AMZ2: variants seen among roughly 807,000 people sequenced by gnomAD.
AMZ2 encodes the protein archaemetzincin-2.
Under a neutral mutation model 36.7 loss-of-function variants are expected in AMZ2, and 26 were observed. The ratio of observed to expected loss-of-function variants is 0.71; its 90% CI spans 0.52 to 0.98. AMZ2 has a LOEUF of 0.98. AMZ2 is among the 50% of genes least tolerant of loss of function. The pLI is 0.00. For synonymous variants in AMZ2, 144 were observed against 149.1 expected (o/e 0.97, Z 0.25); for missense variants, 394 against 430.5 (o/e 0.92, Z 0.75).
chr17:68,236,101 A>G (rs2073780989), intron 1 of AMZ2, among the ~76,000 whole-genome samples: 1 of 152,106 alleles, frequency 6.6e-6, no homozygotes, highest in Non-Finnish European at 1.5e-5. Flanking sequence ...AAGTGCTGGG[A>G]TTACAGGAAT....
At chr17:68,254,924 C>T (rs1289550661) in intron 5 of AMZ2, among the ~76,000 whole-genome samples, 1 of 152,208 alleles carries the variant, frequency 6.6e-6, no homozygotes, top group Non-Finnish European at 1.5e-5. Flanking sequence ...CTGCTCTGGC[C>T]TCTCTGGGAG....
chr17:68,211,167 T>C (rs546011560), intron 1 of AMZ2, among the ~76,000 whole-genome samples: 1 of 151,956 alleles, frequency 6.6e-6, no homozygotes, highest in South Asian at 2.1e-4. Flanking sequence ...AATGGTTGAG[T>C]AGGGCCAGTG....
At chr17:68,236,808 G>A (rs1169322878) in intron 1 of AMZ2, among the ~76,000 whole-genome samples, 3 of 151,884 alleles carry the variant, frequency 2.0e-5, no homozygotes, top group African/African-American at 7.3e-5. Flanking sequence ...TCCAACTCCT[G>A]ACCTCAAATG....
intron 4 of AMZ2, among the ~76,000 whole-genome samples, chr17:68,251,714 A>G (rs114139959): frequency 0.016 from 2,477 of 152,288 alleles, 59 homozygotes; most frequent in African/African-American, 0.055. Flanking sequence ...GGCATACAGC[A>G]TAACAGCTAG....
intron 6 of AMZ2, 93 bp from the exon 7 acceptor site, chr17:68,256,721 T>C: frequency 7.6e-7 from 1 of 1,312,718 alleles, no homozygotes; most frequent in East Asian, 2.4e-5. Flanking sequence ...TGGGGTAATA[T>C]GTCACCCTAT....
At chr17:68,245,867 TAA>T (rs2073990255), upstream of AMZ2, among the ~76,000 whole-genome samples, 1 of 152,010 alleles carries the variant, frequency 6.6e-6, no homozygotes, top group Non-Finnish European at 1.5e-5. Flanking sequence ...CAGGCAGAAG[TAA>T]AGTTTTGTCA....
At chr17:68,240,370 T>G (rs2073877173) in intron 1 of AMZ2, among the ~76,000 whole-genome samples, 1 of 152,008 alleles carries the variant, frequency 6.6e-6, no homozygotes, top group Non-Finnish European at 1.5e-5. Context: ...AAAATAATCA[T>G]AACAAGAAAG....
chr17:68,219,882 C>T (rs766475619), intron 1 of AMZ2, among the ~76,000 whole-genome samples: 48 of 152,096 alleles, frequency 3.2e-4, no homozygotes, highest in Non-Finnish European at 2.5e-4. Flanking sequence ...CTTAGCTCCT[C>T]CACTCCACTG....
At chr17:68,230,790 G>T (rs2073641125) in intron 1 of AMZ2, among the ~76,000 whole-genome samples, 1 of 152,158 alleles carries the variant, frequency 6.6e-6, no homozygotes, top group African/African-American at 2.4e-5. Flanking sequence ...TTGGCTGGAG[G>T]GAAAGGTAGC....
chr17:68,224,283 A>G (rs2073453670), intron 1 of AMZ2, among the ~76,000 whole-genome samples: 1 of 151,996 alleles, frequency 6.6e-6, no homozygotes, highest in African/African-American at 2.4e-5. Flanking sequence ...TTTTTCTTTT[A>G]TTTTGTAAGA....
Position 68,252,193 on chromosome 17 carries a change from G to A in AMZ2, c.586+1015G>A, listed in dbSNP as rs377495419. ...AGTAAGTACAGGGACTATCCTGAGA[G>A]TTTATGGTCTGTCTGGATGTTACAT... On this transcript the variant is annotated intron_variant, in intron 4 of 6. Coordinates refer to ENST00000359904, the MANE Select transcript of AMZ2 (RefSeq NM_016627.5). Among the ~76,000 whole-genome samples, 52 of 152,336 alleles carry A rather than the reference G, an allele frequency of 3.4e-4. No homozygotes were observed. The East Asian group carries it at 6.0e-3, about 17-fold the overall frequency.
chr17:68,252,785 A>G (rs1248167550), intron 4 of AMZ2, among the ~76,000 whole-genome samples: 3 of 152,064 alleles, frequency 2.0e-5, no homozygotes, highest in Non-Finnish European at 4.4e-5. Context: ...CAGCCTCCCA[A>G]AGTGCTTTGA....
intron 1 of AMZ2, among the ~76,000 whole-genome samples, chr17:68,219,899 G>C (rs1315131185): frequency 6.6e-6 from 1 of 152,096 alleles, no homozygotes; most frequent in Non-Finnish European, 1.5e-5. Context: ...ACTGTGCTGT[G>C]AACTCGACAT....
In AMZ2 at chr17:68,251,181, A is replaced by G. The variant is rs1555739661; in HGVS notation, c.586+3A>G. The G allele has an allele frequency of 1.2e-6, 2 of 1,606,528 alleles. No individual in the cohort carries two copies. The highest frequency in any genetic ancestry group is 2.2e-5 in the East Asian group (1 of 44,812). ...TGGACAGGCCTCTTTGACAGATGGT[A>G]TTCCGTTTTTGGCATTGTTGTTAGA... is the stretch of plus-strand genomic sequence containing the variant. On this transcript the variant is annotated splice_donor_region_variant and intron_variant, in intron 4 of 6. Transcript: ENST00000359904.
intron 1 of AMZ2, among the ~76,000 whole-genome samples, chr17:68,218,399 G>A (rs2073258327): frequency 1.3e-5 from 2 of 151,908 alleles, no homozygotes; most frequent in Non-Finnish European, 2.9e-5. Flanking sequence ...TATGTTGCCA[G>A]GCTGGTCTCG....
chr17:68,215,349 C>G lies in AMZ2; in HGVS notation c.-67+9111C>G, dbSNP rs2073169990. Reference sequence around the variant, plus strand: ...CTTTTGTCTTTGTTTTAACATTTCACTGTTGAGGTGGTAACATGGAAACCT... The same window carrying G: ...CTTTTGTCTTTGTTTTAACATTTCAGTGTTGAGGTGGTAACATGGAAACCT... On this transcript the variant is annotated intron_variant, in intron 1 of 7. Transcript: ENST00000674770. 1.5e-5 allele frequency among the ~76,000 whole-genome samples: 2 copies of G among 133,108 alleles called. 1 individual carries two copies. Among genetic ancestry groups the G allele is most frequent in the Non-Finnish European group, 3.3e-5 (2 of 60,732 alleles). 87.3% of individuals were successfully genotyped at this position (133,108 alleles called of 152,430 possible). A position where few individuals can be genotyped will look rare whatever the true frequency, so the allele number is the denominator to read the frequency against.
At chr17:68,223,358 G>A (rs1394173004) in intron 1 of AMZ2, among the ~76,000 whole-genome samples, 4 of 151,926 alleles carry the variant, frequency 2.6e-5, no homozygotes, top group Non-Finnish European at 4.4e-5. Flanking sequence ...GAAGCCCCTC[G>A]TGGCCTCATT....
intron 1 of AMZ2, among the ~76,000 whole-genome samples, chr17:68,209,598 GTGTGTGTATA>G (rs1447027082): frequency 0.16 from 18,051 of 111,426 alleles, 1,129 homozygotes; most frequent in Non-Finnish European, 0.2. Flanking sequence ...GTGTGTGTGT[GTGTGTGTATA>G]TGTATATATA....
intron 1 of AMZ2, among the ~76,000 whole-genome samples, chr17:68,210,784 C>T (rs1269273987): frequency 6.6e-6 from 1 of 151,828 alleles, no homozygotes; most frequent in African/African-American, 2.4e-5. Context: ...CCTGTCTCTA[C>T]AAACAATGCA....
Sources: allele counts gnomAD v4.1 joint callset (sites outside exome capture counted in the v4.1 genomes callset), GRCh38; gene constraint gnomAD v4.1.1; transcripts MANE v1.5; gene names NCBI Gene and HGNC (gene_info 2026-07-23, HGNC 2026-07-21).